The following MAP3K20 variants were observed in gnomAD, a reference collection of about 807,000 sequenced individuals.
MAP3K20 encodes the protein mitogen-activated protein kinase kinase kinase 20.
A neutral mutation model predicts 85.7 loss-of-function variants in MAP3K20; 40 were observed. The ratio of observed to expected loss-of-function variants is 0.47; its 90% CI spans 0.36 to 0.61. The LOEUF (loss-of-function observed/expected upper bound fraction) is 0.61. Ranked by LOEUF, MAP3K20 falls within the 20% of genes least tolerant of loss-of-function variation. The probability of loss-of-function intolerance (pLI) is 0.00; values close to 1 mark genes in which losing one functional copy is unlikely to be tolerated. For missense variants in MAP3K20, 817 were observed against 961.7 expected (o/e 0.85, Z 1.99); for synonymous variants, 325 against 327.7 (o/e 0.99, Z 0.09).
intron 2 of MAP3K20, among the ~76,000 whole-genome samples, chr2:173,099,541 GTTC>G (rs1443017196): frequency 6.6e-6 from 1 of 151,862 alleles, no homozygotes; most frequent in East Asian, 1.9e-4. Context: ...CTGTCCAACT[GTTC>G]TTCTGCATTA....
intron 16 of MAP3K20, among the ~76,000 whole-genome samples, chr2:173,249,207 G>GA (rs1219962127): frequency 1.3e-5 from 2 of 152,236 alleles, no homozygotes; most frequent in African/African-American, 2.4e-5. Flanking sequence ...GTCTATAGGA[G>GA]AGAGATCTTT....
At chr2:173,218,218 A>C (rs922801332) in intron 11 of MAP3K20, among the ~76,000 whole-genome samples, 1 of 152,242 alleles carries the variant, frequency 6.6e-6, no homozygotes, top group African/African-American at 2.4e-5. Flanking sequence ...TTAAGCAGCC[A>C]GTGCCCAATT....
At chr2:173,151,185 A>G (rs1689297555) in intron 2 of MAP3K20, among the ~76,000 whole-genome samples, 1 of 152,110 alleles carries the variant, frequency 6.6e-6, no homozygotes. Context: ...AGAACCCACA[A>G]ACCCTTCTGA....
intron 2 of MAP3K20, among the ~76,000 whole-genome samples, chr2:173,150,629 G>A (rs1186846163): frequency 2.0e-5 from 3 of 152,176 alleles, no homozygotes; most frequent in Admixed American, 1.3e-4. Flanking sequence ...TGCAATGGGT[G>A]ATCTCGGCTC....
chr2:173,210,849 A>G (rs1175881733), intron 10 of MAP3K20: 1 of 152,168 alleles, frequency 6.6e-6, no homozygotes, highest in Non-Finnish European at 1.5e-5. Flanking sequence ...TCCTGTTACT[A>G]GATACTTCTT....
intron 2 of MAP3K20, among the ~76,000 whole-genome samples, chr2:173,148,135 G>A (rs1689188526): frequency 6.6e-6 from 1 of 152,134 alleles, no homozygotes; most frequent in Non-Finnish European, 1.5e-5. Context: ...GGAATACACT[G>A]TTTCTTATGC....
At chr2:173,241,386 G>C (rs1684780691) in intron 16 of MAP3K20, among the ~76,000 whole-genome samples, 2 of 152,118 alleles carry the variant, frequency 1.3e-5, no homozygotes, top group Admixed American at 1.3e-4. Context: ...GCTGAGGCTG[G>C]GGGATCGCTT....
In MAP3K20 at chr2:173,198,954, T is replaced by C. The variant is rs1197370429; in HGVS notation, c.669+842T>C. Reference sequence around the variant, plus strand: ...GATGAAGCATCCAATATCAAGGTATTATGAGAACTTAGATCATGTAATGGA... The same window carrying C: ...GATGAAGCATCCAATATCAAGGTATCATGAGAACTTAGATCATGTAATGGA... On this transcript the variant is annotated intron_variant, in intron 8 of 19. Transcript: ENST00000375213. The surrounding 1 kb of genome is among the most constrained non-coding windows in gnomAD (Gnocchi z 5.8). 1 of 152,524 alleles carries C rather than the reference T, an allele frequency of 6.6e-6. No homozygotes were observed. The highest frequency in any genetic ancestry group is 1.9e-4 in the East Asian group (1 of 5,198). The allele number at this position is 152,524 out of a possible 1,614,324, so 9.4% of individuals were successfully genotyped here.
At chr2:173,120,244 G>T (rs1193861144) in intron 2 of MAP3K20, among the ~76,000 whole-genome samples, 2 of 151,998 alleles carry the variant, frequency 1.3e-5, no homozygotes, top group African/African-American at 4.8e-5. Context: ...TGGCTGGTCG[G>T]CTTTACCTGA....
chr2:173,142,169 G>A (rs530452136), intron 2 of MAP3K20, among the ~76,000 whole-genome samples: 101 of 152,188 alleles, frequency 6.6e-4, no homozygotes, highest in South Asian at 2.1e-3. Flanking sequence ...TATAATGTAT[G>A]TACGTTAAAA....
intron 2 of MAP3K20, among the ~76,000 whole-genome samples, chr2:173,092,581 A>G (rs1365943663): frequency 6.6e-6 from 1 of 152,196 alleles, no homozygotes; most frequent in Admixed American, 6.6e-5. Flanking sequence ...TGAAACCTCT[A>G]ATTGACCAGG....
In MAP3K20 at chr2:173,198,508, C is replaced by T. The variant is rs1405256453; in HGVS notation, c.669+396C>T. 6.5e-6 allele frequency: 1 copy of T among 153,120 alleles called. No individual in the cohort carries two copies. The highest frequency in any genetic ancestry group is 1.5e-5 in the Non-Finnish European group (1 of 68,606). The allele number at this position is 153,120 out of a possible 1,614,324, so 9.5% of individuals were successfully genotyped here. On this transcript the variant is annotated intron_variant, in intron 8 of 19. Coordinates refer to ENST00000375213, the MANE Select transcript of MAP3K20 (RefSeq NM_016653.3). This position sits in a 1 kb window ranked among gnomAD's most constrained non-coding sequence, Gnocchi z 5.8. ...TATATCTGTAAGAGACCTTCAGCTA[C>T]TTCAACTTACCTCTCCCAGCAGGAG... is the stretch of plus-strand genomic sequence containing the variant.
intron 4 of MAP3K20, 71 bp downstream of exon 4, chr2:173,183,026 A>T: frequency 8.3e-7 from 1 of 1,202,446 alleles, no homozygotes; most frequent in Admixed American, 2.2e-5. Context: ...GGGACTTAAC[A>T]TCAGAAAATG....
chr2:173,221,738 T>A (rs576299884), intron 11 of MAP3K20: 1 of 1,268,566 alleles, frequency 7.9e-7, no homozygotes, highest in East Asian at 2.9e-5. Flanking sequence ...CAAAGAAGTA[T>A]ATTTATGAAT....
intron 2 of MAP3K20, among the ~76,000 whole-genome samples, chr2:173,113,398 C>G (rs1268755435): frequency 6.6e-6 from 1 of 151,568 alleles, no homozygotes; most frequent in Non-Finnish European, 1.5e-5. Flanking sequence ...TCATTTGGTT[C>G]TGCTCTGATC....
chr2:173,214,859 C>A (rs917800385), intron 10 of MAP3K20, among the ~76,000 whole-genome samples: 1 of 151,916 alleles, frequency 6.6e-6, no homozygotes, highest in Non-Finnish European at 1.5e-5. Flanking sequence ...CCAAAAAAAC[C>A]AAGGGAGCAG....
At chr2:173,182,777 C>G in intron 3 of MAP3K20, 77 bp from the exon 4 acceptor site, 1 of 1,016,926 alleles carries the variant, frequency 9.8e-7, no homozygotes, top group Non-Finnish European at 1.4e-6. Context: ...AATGTATTTT[C>G]TCAATGAAAA....
chr2:173,159,571 G>A (rs1328410859), intron 2 of MAP3K20, among the ~76,000 whole-genome samples: 2 of 151,900 alleles, frequency 1.3e-5, no homozygotes, highest in Admixed American at 6.6e-5. Context: ...TGCATTTTTT[G>A]TAGAGATAGG....
At chr2:173,204,980 G>T (rs1279487562) in intron 9 of MAP3K20, among the ~76,000 whole-genome samples, 1 of 151,718 alleles carries the variant, frequency 6.6e-6, no homozygotes, top group Non-Finnish European at 1.5e-5. Flanking sequence ...GCGGGCACCT[G>T]TAGTCCCAGC....
Sources: allele counts gnomAD v4.1 joint callset (sites outside exome capture counted in the v4.1 genomes callset), GRCh38; gene constraint gnomAD v4.1.1; non-coding constraint Gnocchi (gnomAD v3.1); transcripts MANE v1.5; gene names NCBI Gene and HGNC (gene_info 2026-07-23, HGNC 2026-07-21).